RP1: variants seen among roughly 807,000 people sequenced by gnomAD.
RP1 encodes the protein RP1 axonemal microtubule associated.
A neutral mutation model predicts 14.8 loss-of-function variants in RP1; 16 were observed. The ratio of observed to expected loss-of-function variants is 1.08; its 90% CI spans 0.73 to 1.65. RP1 has a LOEUF of 1.65. Among genes scored for constraint, RP1 ranks in the 40% most tolerant of loss-of-function variants. RP1 has a pLI of 0.00. For missense variants in RP1, 2,631 were observed against 2,535.0 expected, an observed-to-expected ratio of 1.04 and a Z score of -0.81; for synonymous variants, 876 against 883.6, an observed-to-expected ratio of 0.99 and a Z score of 0.15.
At chr8:54,780,104 G>A (rs528813690) in intron 23 of RP1, among the ~76,000 whole-genome samples, 94 of 152,338 alleles carry the variant, frequency 6.2e-4, no homozygotes, top group African/African-American at 2.2e-3. Context: ...GATAAGCCTG[G>A]GTTAGGCTTT....
At chr8:54,802,681 G>A (rs552879064) in intron 24 of RP1, among the ~76,000 whole-genome samples, 5 of 152,280 alleles carry the variant, frequency 3.3e-5, no homozygotes, top group Non-Finnish European at 5.9e-5. Flanking sequence ...GTTTAACACC[G>A]TGCTCAGGTC....
chr8:54,696,930 G>A (rs1807880280), intron 12 of RP1: 7 of 899,990 alleles, frequency 7.8e-6, no homozygotes, highest in South Asian at 3.9e-5. Flanking sequence ...GAGCACCTGG[G>A]GAAGTTTGAC....
At chr8:54,789,733 A>T (rs771678536) in intron 24 of RP1, among the ~76,000 whole-genome samples, 20 of 152,102 alleles carry the variant, frequency 1.3e-4, no homozygotes, top group Non-Finnish European at 2.9e-4. Context: ...GCAGCCTATA[A>T]CCCCATCAAA....
chr8:54,864,994 CATT>C, intron 27 of RP1, among the ~76,000 whole-genome samples: 1 of 152,204 alleles, frequency 6.6e-6, no homozygotes, highest in South Asian at 2.1e-4. Context: ...GATAGTTCTA[CATT>C]TATTTATGGC....
At chr8:54,739,537 A>T (rs1809018704) in intron 19 of RP1, among the ~76,000 whole-genome samples, 1 of 152,154 alleles carries the variant, frequency 6.6e-6, no homozygotes, top group Admixed American at 6.6e-5. Context: ...TGCAAAGATA[A>T]TCTGTTCATA....
intron 27 of RP1, among the ~76,000 whole-genome samples, chr8:54,863,051 A>G (rs1396129249): frequency 3.7e-5 from 5 of 136,888 alleles, no homozygotes; most frequent in African/African-American, 1.4e-4. Context: ...ATGGATATAT[A>G]TATATATATA....
chr8:54,852,690 C>T lies in RP1; in HGVS notation c.3952C>T (p.Gln1318Ter). ...TGATTCAGGAAAACGAAGACTTCAT[C>T]AGTCCAAAAACAATGAAATCAAGTT... is the stretch of plus-strand genomic sequence containing the variant. Residue 1318 changes from glutamine to a stop codon, truncating the protein, a stop_gained, in exon 26 of 29, where the codon CAG (glutamine) becomes TAG (stop). Coordinates refer to the RP1 transcript ENST00000637698. LOFTEE classifies it high-confidence loss of function. 6 of 1,232,032 alleles carry T rather than the reference C, an allele frequency of 4.9e-6. No individual in the cohort carries two copies. The highest frequency in any genetic ancestry group is 6.1e-6 in the Non-Finnish European group (6 of 987,902). 76.3% of individuals were successfully genotyped at this position (1,232,032 alleles called of 1,614,324 possible).
rs528892925 is a variant in RP1 at position 54,757,988 on chromosome 8, G to T, written c.3094-934G>T. ...CAGCATGGAGCCAATAGTTGAGACA[G>T]CATGGAGCCAATAGTTGTAGTGTGT... On this transcript the variant is annotated intron_variant, in intron 21 of 22. Coordinates refer to the RP1 transcript ENST00000636932. Among the ~76,000 whole-genome samples, 6 of 152,224 alleles carry T rather than the reference G, an allele frequency of 3.9e-5. No individual in the cohort carries two copies. In the South Asian group the frequency reaches 1.2e-3, roughly 32 times the overall value.
At chr8:54,742,705 A>C (rs541234141) in intron 19 of RP1, among the ~76,000 whole-genome samples, 1 of 152,342 alleles carries the variant, frequency 6.6e-6, no homozygotes, top group Non-Finnish European at 1.5e-5. Flanking sequence ...AAGTGTAGTA[A>C]AATCAGAAGC....
intron 24 of RP1, among the ~76,000 whole-genome samples, chr8:54,792,495 T>C (rs1810488880): frequency 6.6e-6 from 1 of 151,918 alleles, no homozygotes; most frequent in Admixed American, 6.6e-5. Flanking sequence ...AAGATTGAAA[T>C]TACATCAAGT....
chr8:54,700,308 A>C (rs999760999), intron 13 of RP1, among the ~76,000 whole-genome samples: 1 of 151,936 alleles, frequency 6.6e-6, no homozygotes, highest in Non-Finnish European at 1.5e-5. Context: ...TCCTGGGCTC[A>C]AGCATTCTTC....
chr8:54,600,566 T>C (rs1227640919), intron 1 of RP1, among the ~76,000 whole-genome samples: 1 of 152,124 alleles, frequency 6.6e-6, no homozygotes, highest in Non-Finnish European at 1.5e-5. Context: ...CAGGTGGAGA[T>C]GGAAGTCTTG....
At chr8:54,676,660 C>G (rs559902632) in intron 8 of RP1, among the ~76,000 whole-genome samples, 2 of 152,178 alleles carry the variant, frequency 1.3e-5, no homozygotes, top group Non-Finnish European at 2.9e-5. Context: ...AGGAACCCAT[C>G]TTTTCTAGTT....
At chr8:54,830,945 T>C (rs1391455) in intron 24 of RP1, among the ~76,000 whole-genome samples, 46,503 of 151,974 alleles carry the variant, frequency 0.31, 7,328 homozygotes, top group South Asian at 0.37. Context: ...TATCAATGGG[T>C]TCATTGAGTA....
chr8:54,660,274 GT>G (rs1366992025), intron 6 of RP1, among the ~76,000 whole-genome samples: 2 of 152,060 alleles, frequency 1.3e-5, no homozygotes, highest in Non-Finnish European at 2.9e-5. Flanking sequence ...TAGAGGAAAA[GT>G]TTTTTTCTTT....
At position 54,727,735 on chromosome 8, in the gene RP1, A is replaced by G. The variant is rs118111411; in HGVS notation, c.2521+1259A>G. Among the ~76,000 whole-genome samples, 35 of 152,110 alleles carry G rather than the reference A, an allele frequency of 2.3e-4. 1 individual carries two copies. In the East Asian group the frequency reaches 5.2e-3, roughly 23 times the overall value. ...TTAAATGTCAGATGTTATAGGTAAA[A>G]CAGACTTGGTCTCTACCCTCTTGAA... On this transcript the variant is annotated intron_variant, in intron 17 of 22. Coordinates refer to the RP1 transcript ENST00000636932.
At chr8:54,668,180 C>T (rs1349903198) in intron 7 of RP1, among the ~76,000 whole-genome samples, 2 of 152,046 alleles carry the variant, frequency 1.3e-5, no homozygotes, top group Non-Finnish European at 2.9e-5. Context: ...AAGACTGGTT[C>T]AACATATGCA....
intron 5 of RP1, among the ~76,000 whole-genome samples, chr8:54,653,895 A>G (rs1276084228): frequency 6.6e-6 from 1 of 152,194 alleles, no homozygotes; most frequent in African/African-American, 2.4e-5. Flanking sequence ...GAAAATTATC[A>G]TTAATCCTCC....
At chr8:54,795,486 T>C (rs554114711) in intron 24 of RP1, among the ~76,000 whole-genome samples, 2 of 152,142 alleles carry the variant, frequency 1.3e-5, no homozygotes, top group Admixed American at 6.6e-5. Flanking sequence ...AAAAATATTA[T>C]TGGCTTCAGA....
Sources: gnomAD v4.1 joint callset for allele counts (sites outside exome capture counted in the v4.1 genomes callset) on GRCh38, gnomAD v4.1.1 for gene constraint, MANE v1.5 for transcripts, NCBI Gene and HGNC (gene_info 2026-07-23, HGNC 2026-07-21) for gene names.